FAM227B: variants seen among roughly 807,000 people sequenced by gnomAD.
The protein encoded by FAM227B is family with sequence similarity 227 member B.
Under a neutral mutation model 73.8 loss-of-function variants are expected in FAM227B, and 88 were observed. The observed-to-expected ratio is 1.19, with a 90% CI of 1.00 to 1.42. The LOEUF (loss-of-function observed/expected upper bound fraction) is 1.42, where lower values mean the gene tolerates loss of function less well. FAM227B is among the 40% of genes most tolerant of loss of function. The pLI, the probability that FAM227B is intolerant of heterozygous loss-of-function variation, is 0.00. For synonymous variants in FAM227B, 210 were observed against 190.5 expected, an observed-to-expected ratio of 1.10 and a Z score of -0.84; for missense variants, 632 against 590.9, an observed-to-expected ratio of 1.07 and a Z score of -0.72.
intron 10 of FAM227B, among the ~76,000 whole-genome samples, chr15:49,531,400 T>C (rs1448940073): frequency 6.6e-6 from 1 of 151,958 alleles, no homozygotes; most frequent in Non-Finnish European, 1.5e-5. Context: ...AAATCAGTAA[T>C]AAAATGTTTA....
At chr15:49,572,671 A>C (rs2075189258) in intron 8 of FAM227B, among the ~76,000 whole-genome samples, 1 of 152,066 alleles carries the variant, frequency 6.6e-6, no homozygotes, top group Non-Finnish European at 1.5e-5. Context: ...TCTGTTTGAG[A>C]GCAGGGCACT....
chr15:49,575,282 A>T (rs921548052), intron 7 of FAM227B, among the ~76,000 whole-genome samples, 173 bp from the exon 8 acceptor site: 15 of 152,114 alleles, frequency 9.9e-5, no homozygotes, highest in African/African-American at 3.6e-4. Context: ...AGCCACATTA[A>T]AAAAGTAAAA....
intron 11 of FAM227B, among the ~76,000 whole-genome samples, chr15:49,405,069 A>G (rs529341868): frequency 6.6e-6 from 1 of 152,214 alleles, no homozygotes; most frequent in South Asian, 2.1e-4. Context: ...AATAATGTTG[A>G]ATATTGGCCC....
At chr15:49,393,971 TTAA>T (rs1175048488) in intron 11 of FAM227B, among the ~76,000 whole-genome samples, 3 of 152,296 alleles carry the variant, frequency 2.0e-5, no homozygotes, top group African/African-American at 7.2e-5. Context: ...GGAGTGTTCT[TTAA>T]ATGTCAAACA....
intron 10 of FAM227B, among the ~76,000 whole-genome samples, chr15:49,521,799 G>A (rs1176931703): frequency 1.3e-5 from 2 of 152,246 alleles, no homozygotes; most frequent in African/African-American, 2.4e-5. Context: ...TATGACAGGG[G>A]CATGATAGGA....
chr15:49,367,406 T>A, intron 13 of FAM227B, 42 bp downstream of exon 13: 1 of 1,475,976 alleles, frequency 6.8e-7, no homozygotes, highest in Non-Finnish European at 9.0e-7. Flanking sequence ...GAATATTATT[T>A]TTGAAAGAAA....
rs3985841 is a variant in FAM227B, at chr15:49,483,084, T to C, written c.1012+25127A>G. On this transcript the variant is annotated intron_variant, in intron 11 of 15. Coordinates refer to ENST00000299338, the MANE Select transcript of FAM227B (RefSeq NM_152647.3). ...CGATTAAAACAGAAATAAGAACAAA[T>C]GGCCATTCGTGGATCATTTGCAAAA... is the stretch of plus-strand genomic sequence containing the variant. The C allele has an allele frequency of 4.1e-4, 348 of 850,188 alleles. 3 individuals are homozygous for C. In the African/African-American group the frequency reaches 5.3e-3, roughly 13 times the overall value. The allele number at this position is 850,188 out of a possible 1,614,324, so 52.7% of individuals were successfully genotyped here. A position where few individuals can be genotyped will look rare whatever the true frequency, so the allele number is the denominator to read the frequency against.
In FAM227B at chr15:49,390,597, A is replaced by C. The variant is rs371206842; in HGVS notation, c.1013-19198T>G. Among the ~76,000 whole-genome samples the C allele has an allele frequency of 2.6e-4, 39 of 152,086 alleles. 2 individuals carry two copies. The South Asian group carries it at 7.9e-3, about 31-fold the overall frequency. ...GCAAAAGTAAAAGGTTTTTCAACAG[A>C]ATTTCACATTCTAACCTCATTTCAG... On this transcript the variant is annotated intron_variant, in intron 11 of 15. Transcript: ENST00000299338.
chr15:49,553,228 G>A (rs1598173872), intron 9 of FAM227B, among the ~76,000 whole-genome samples: 1 of 152,294 alleles, frequency 6.6e-6, no homozygotes, highest in Non-Finnish European at 1.5e-5. Flanking sequence ...GTAATTCTCT[G>A]AATTACCAGG....
chr15:49,520,254 C>T (rs1384680306), intron 10 of FAM227B, among the ~76,000 whole-genome samples: 2 of 152,194 alleles, frequency 1.3e-5, no homozygotes, highest in African/African-American at 4.8e-5. Context: ...TAAAGCCATT[C>T]AACAAATCTC....
chr15:49,587,293 A>T (rs973181084), intron 5 of FAM227B, among the ~76,000 whole-genome samples: 1 of 152,078 alleles, frequency 6.6e-6, no homozygotes, highest in African/African-American at 2.4e-5. Flanking sequence ...GAACACATGA[A>T]CTCATAGAGG....
chr15:49,498,941 C>T (rs901815737), intron 11 of FAM227B, among the ~76,000 whole-genome samples: 4 of 151,642 alleles, frequency 2.6e-5, no homozygotes, highest in Non-Finnish European at 4.4e-5. Flanking sequence ...CCGAGGCGGG[C>T]GGATCACGAG....
chr15:49,394,591 TAC>T (rs1171393908), intron 11 of FAM227B, among the ~76,000 whole-genome samples: 2 of 152,196 alleles, frequency 1.3e-5, no homozygotes, highest in African/African-American at 4.8e-5. Flanking sequence ...AATTTCTGTA[TAC>T]AGTTAGCTGC....
chr15:49,536,072 CAAAAAAAAA>C (rs59203003), intron 10 of FAM227B, among the ~76,000 whole-genome samples: 19 of 114,012 alleles, frequency 1.7e-4, no homozygotes, highest in Admixed American at 4.6e-4. Context: ...GGCAATCAGA[CAAAAAAAAA>C]AAAAAAAAAG....
chr15:49,355,610 C>T (rs2043020031), intron 13 of FAM227B, among the ~76,000 whole-genome samples: 1 of 152,154 alleles, frequency 6.6e-6, no homozygotes, highest in Non-Finnish European at 1.5e-5. Flanking sequence ...AAATCTACGT[C>T]TGACTGGTGT....
At chr15:49,577,869 G>T (rs1182713776) in intron 5 of FAM227B, among the ~76,000 whole-genome samples, 1 of 152,200 alleles carries the variant, frequency 6.6e-6, no homozygotes, top group Middle Eastern at 3.4e-3. Flanking sequence ...TTCAAAAACG[G>T]AATCAGATAC....
chr15:49,602,745 C>G (rs552829095), intron 3 of FAM227B, among the ~76,000 whole-genome samples: 8 of 152,170 alleles, frequency 5.3e-5, no homozygotes, highest in African/African-American at 1.7e-4. Context: ...GAGAGTTTTC[C>G]CAGTGTTTTC....
chr15:49,518,441 T>A (rs1038908357), intron 10 of FAM227B, among the ~76,000 whole-genome samples: 1 of 152,136 alleles, frequency 6.6e-6, no homozygotes, highest in African/African-American at 2.4e-5. Context: ...TTCAATTTCA[T>A]ACTGCTATGA....
chr15:49,427,685 C>G (rs1283431140), intron 11 of FAM227B, among the ~76,000 whole-genome samples: 1 of 151,966 alleles, frequency 6.6e-6, no homozygotes, highest in Non-Finnish European at 1.5e-5. Flanking sequence ...CTTCAGAGGA[C>G]TACTCACTTC....
Sources: gnomAD v4.1 joint callset for allele counts (sites outside exome capture counted in the v4.1 genomes callset) on GRCh38, gnomAD v4.1.1 for gene constraint, MANE v1.5 for transcripts, NCBI Gene and HGNC (gene_info 2026-07-23, HGNC 2026-07-21) for gene names.